The following PKHD1 variants were observed in gnomAD, a reference collection of about 807,000 sequenced individuals.
PKHD1 encodes the protein fibrocystin.
PKHD1 carries 291 observed loss-of-function variants against 412.0 expected under a neutral mutation model. That is an observed-to-expected ratio of 0.71 (90% confidence interval 0.64 to 0.78). PKHD1 has a LOEUF of 0.78. PKHD1 is among the 30% of genes least tolerant of loss of function. The probability of loss-of-function intolerance (pLI) is 0.00; values close to 1 mark genes in which losing one functional copy is unlikely to be tolerated. For synonymous variants in PKHD1, 1,777 were observed against 1,821.5 expected (o/e 0.98, Z 0.62); for missense variants, 4,825 against 4,950.7 (o/e 0.97, Z 0.76).
intron 60 of PKHD1, among the ~76,000 whole-genome samples, chr6:51,704,770 G>A (rs1354979929): frequency 6.6e-6 from 1 of 152,032 alleles, no homozygotes; most frequent in Non-Finnish European, 1.5e-5. Context: ...CAGATCTGGA[G>A]GTAGTGGATG....
chr6:51,708,216 T>C (rs1582200160), intron 60 of PKHD1, among the ~76,000 whole-genome samples: 1 of 152,262 alleles, frequency 6.6e-6, no homozygotes, highest in East Asian at 1.9e-4. Flanking sequence ...CTCAAAGTCA[T>C]CCCTCCCTCC....
chr6:51,793,526 CT>C (rs1794092110), intron 52 of PKHD1, among the ~76,000 whole-genome samples: 2 of 152,120 alleles, frequency 1.3e-5, no homozygotes, highest in Admixed American at 6.5e-5. Flanking sequence ...ACCACCTGCC[CT>C]CTGACAGACC....
chr6:51,775,549 A>G (rs1790880774), intron 54 of PKHD1, among the ~76,000 whole-genome samples: 1 of 151,880 alleles, frequency 6.6e-6, no homozygotes, highest in Admixed American at 6.6e-5. Flanking sequence ...ACTAATCTGG[A>G]TCTTAATCCA....
intron 35 of PKHD1, among the ~76,000 whole-genome samples, chr6:51,980,930 G>A (rs1311586927): frequency 6.6e-6 from 1 of 152,156 alleles, no homozygotes; most frequent in Admixed American, 6.5e-5. Context: ...CAAGATGGTA[G>A]AATGTTTACA....
chr6:51,663,619 T>C (rs2150441188), intron 60 of PKHD1, among the ~76,000 whole-genome samples: 1 of 152,306 alleles, frequency 6.6e-6, no homozygotes, highest in Admixed American at 6.5e-5. Context: ...AGCTGATTGA[T>C]ATGTAATGTC....
At chr6:51,923,542 CCAAAAAA>C (rs1245835101) in intron 37 of PKHD1, among the ~76,000 whole-genome samples, 2 of 149,982 alleles carry the variant, frequency 1.3e-5, no homozygotes, top group East Asian at 3.9e-4. Flanking sequence ...AATAAAAGTA[CCAAAAAA>C]CAAGTAGGTA....
rs1339152749 is a variant in PKHD1, at chr6:52,082,518, G to A, written c.155C>T (p.Pro52Leu). The change falls in exon 4 of 67, where the codon CCC becomes CTC. Residue 52 changes from proline to leucine, a missense_variant. Pro to Leu is a moderately conservative substitution (Grantham distance 98, BLOSUM62 -3). Transcript: ENST00000371117. ...FDGLELGVLY[P>L]NNGSQLEIHL... The stretch of plus-strand genomic sequence containing the variant: ...TATCTCCAATTGAGAGCCATTGTTG[G>A]GGTAAAGAACACCCAACTCCAAACC... 1.9e-6 allele frequency: 3 copies of A among 1,613,892 alleles called. No homozygotes were observed. Among genetic ancestry groups the A allele is most frequent in the Admixed American group, 3.3e-5 (2 of 59,992 alleles).
chr6:51,946,811 T>C (rs189525168), intron 36 of PKHD1, among the ~76,000 whole-genome samples: 26 of 152,378 alleles, frequency 1.7e-4, no homozygotes, highest in Admixed American at 1.5e-3. Flanking sequence ...ATCTCTTTTG[T>C]TTCTTTTAAA....
At position 52,017,502 on chromosome 6, in the gene PKHD1, G is replaced by C; in HGVS notation, c.5508C>G (p.Tyr1836Ter). 1 of 1,614,000 alleles carries C rather than the reference G, an allele frequency of 6.2e-7. No individual in the cohort carries two copies. The highest frequency in any genetic ancestry group is 8.5e-7 in the Non-Finnish European group (1 of 1,179,846). ...ATEQLLESWP[Y>*]LYICEESSQC... Reference sequence around the variant, plus strand: ...GGGAACTTTCCTCGCAAATGTAGAGGTAAGGCCACGATTCAAGCAGTTGCT... The same window carrying C: ...GGGAACTTTCCTCGCAAATGTAGAGCTAAGGCCACGATTCAAGCAGTTGCT... The change falls in exon 34 of 67, where the codon TAC (tyrosine) becomes TAG (stop). Residue 1836 changes from tyrosine to a stop codon, truncating the protein, a stop_gained. Coordinates refer to ENST00000371117, the MANE Select transcript of PKHD1 (RefSeq NM_138694.4). LOFTEE classifies it high-confidence loss of function.
At chr6:51,769,440 T>C (rs188281947) in intron 55 of PKHD1, among the ~76,000 whole-genome samples, 1 of 151,468 alleles carries the variant, frequency 6.6e-6, no homozygotes, top group Admixed American at 6.6e-5. Context: ...AGTTGCACTA[T>C]ATAGATTTAT....
chr6:51,729,059 T>C (rs1040903991), intron 60 of PKHD1, among the ~76,000 whole-genome samples: 3 of 152,234 alleles, frequency 2.0e-5, no homozygotes, highest in Admixed American at 6.5e-5. Context: ...GGTTTCCACA[T>C]GGGCAGTGCC....
At chr6:51,904,673 C>T (rs1360184710) in intron 41 of PKHD1, among the ~76,000 whole-genome samples, 6 of 152,114 alleles carry the variant, frequency 3.9e-5, no homozygotes, top group African/African-American at 1.2e-4. Context: ...AATTTTAATT[C>T]CCTCACTTGT....
chr6:51,772,814 G>A (rs1173390537), intron 54 of PKHD1, 25 bp from the exon 55 acceptor site: 2 of 1,308,012 alleles, frequency 1.5e-6, no homozygotes, highest in Admixed American at 1.7e-5. Context: ...AGTAACAGTT[G>A]GATAGAAAAA....
chr6:51,966,930 G>GGATT, intron 35 of PKHD1, among the ~76,000 whole-genome samples: 1 of 151,792 alleles, frequency 6.6e-6, no homozygotes, highest in African/African-American at 2.4e-5. Context: ...GGATTGGATT[G>GGATT]GGAAAGGAGC....
intron 35 of PKHD1, among the ~76,000 whole-genome samples, chr6:51,990,615 C>G (rs1170285606): frequency 6.6e-6 from 1 of 152,090 alleles, no homozygotes; most frequent in Non-Finnish European, 1.5e-5. Context: ...ATAGTCATAT[C>G]CTTGAAGTTA....
chr6:51,764,544 C>T (rs192827798), intron 55 of PKHD1, among the ~76,000 whole-genome samples: 2,041 of 149,154 alleles, frequency 0.014, 19 homozygotes, highest in Non-Finnish European at 0.022. Flanking sequence ...TACCATTTGA[C>T]CCAGCCATCC....
chr6:51,651,081 T>TG (rs930077454), intron 61 of PKHD1, among the ~76,000 whole-genome samples: 3 of 152,086 alleles, frequency 2.0e-5, no homozygotes, highest in African/African-American at 7.2e-5. Context: ...CTCACATAAG[T>TG]ACATTGACGT....
At chr6:51,791,032 G>A (rs1284073088) in intron 53 of PKHD1, among the ~76,000 whole-genome samples, 2 of 152,086 alleles carry the variant, frequency 1.3e-5, no homozygotes, top group South Asian at 2.1e-4. Flanking sequence ...GATAGTACAC[G>A]GGCATGAAAG....
chr6:51,973,465 A>G (rs9296668), intron 35 of PKHD1, among the ~76,000 whole-genome samples: 57,886 of 152,040 alleles, frequency 0.38, 12,829 homozygotes, highest in Admixed American at 0.52. Flanking sequence ...ACGTGTCCTC[A>G]AAGGCAGAAA....
Sources: gnomAD v4.1 joint callset for allele counts (sites outside exome capture counted in the v4.1 genomes callset) on GRCh38, gnomAD v4.1.1 for gene constraint, MANE v1.5 for transcripts, NCBI Gene and HGNC (gene_info 2026-07-23, HGNC 2026-07-21) for gene names.